MINAR1: variants seen among roughly 807,000 people sequenced by gnomAD.
MINAR1 encodes the protein major intrinsically disordered Notch2-binding receptor 1.
MINAR1 carries 40 observed loss-of-function variants against 65.1 expected under a neutral mutation model. That is an observed-to-expected ratio of 0.61 (90% CI 0.48 to 0.80). The LOEUF is 0.80. MINAR1 is among the 30% of genes least tolerant of loss of function. The pLI is 0.00. For missense variants in MINAR1, 1,128 were observed against 1,148.0 expected (o/e 0.98, Z 0.25); for synonymous variants, 482 against 449.1 (o/e 1.07, Z -0.93).
At chr15:79,460,501 C>A (rs1210747545) in intron 2 of MINAR1, among the ~76,000 whole-genome samples, 2 of 152,194 alleles carry the variant, frequency 1.3e-5, no homozygotes, top group African/African-American at 4.8e-5. Context: ...AGCTACCAGA[C>A]CCTATGGATT....
chr15:79,456,381 A>G lies in MINAR1; in HGVS notation c.234A>G (p.Ser78=). 1 of 1,614,236 alleles carries G rather than the reference A, an allele frequency of 6.2e-7. No individual in the cohort carries two copies. The change falls in exon 2 of 4, where the codon TCA becomes TCG. Residue 78 remains serine (S), a synonymous_variant. Transcript: ENST00000305428. The part of the protein sequence containing the change: ...KMKCTVNNQQ[S]KKIMVAADIV... ...AATGCACTGTGAATAACCAGCAATCAAAGAAAATCATGGTGGCAGCAGATA... is the reference window on the plus strand; with the variant it reads ...AATGCACTGTGAATAACCAGCAATCGAAGAAAATCATGGTGGCAGCAGATA...
intron 2 of MINAR1, among the ~76,000 whole-genome samples, chr15:79,462,601 G>GTATCTT (rs1224544069): frequency 1.3e-5 from 2 of 152,100 alleles, no homozygotes; most frequent in Non-Finnish European, 2.9e-5. Context: ...AGTTCCTTGA[G>GTATCTT]GAAAGGACCC....
At chr15:79,441,680 A>G (rs1298692697) in intron 1 of MINAR1, among the ~76,000 whole-genome samples, 2 of 152,096 alleles carry the variant, frequency 1.3e-5, no homozygotes, top group Non-Finnish European at 2.9e-5. Flanking sequence ...AATACATGGG[A>G]GTGCCTATTT....
chr15:79,427,728 G>T (rs1365043267), upstream of MINAR1, among the ~76,000 whole-genome samples: 6 of 152,198 alleles, frequency 3.9e-5, no homozygotes, highest in Admixed American at 2.6e-4. Flanking sequence ...AGATTTATTT[G>T]TGCATGACAT....
At chr15:79,464,518 T>C (rs1895769530) in intron 3 of MINAR1, among the ~76,000 whole-genome samples, 1 of 152,240 alleles carries the variant, frequency 6.6e-6, no homozygotes, top group African/African-American at 2.4e-5. Flanking sequence ...AAGTCTAAAT[T>C]CATACTGGAC....
At position 79,456,685 on chromosome 15, in the gene MINAR1, G is replaced by A. The variant is rs538077419; in HGVS notation, c.538G>A (p.Gly180Arg). Residue 180 changes from glycine (G) to arginine (R), a missense_variant, in exon 2 of 4, where the codon GGA becomes AGA. Transcript: ENST00000305428. ...TGCCTCTGAGCCTAACTTCCTGTTG[G>A]GAGTTAGCAAAGAGGTGAAAAACCG... ...VPASEPNFLL[G>R]VSKEVKNRAA... 1 of 1,614,164 alleles carries A rather than the reference G, an allele frequency of 6.2e-7. No individual in the cohort carries two copies. Among genetic ancestry groups the A allele is most frequent in the South Asian group, 1.1e-5 (1 of 91,078 alleles).
intron 3 of MINAR1, chr15:79,463,630 T>G (rs1039241067): frequency 1.4e-5 from 8 of 580,710 alleles, no homozygotes; most frequent in Non-Finnish European, 2.3e-5. Flanking sequence ...ATTCTAATAT[T>G]TGCTCACAAG....
chr15:79,459,312 T>C (rs1477267608), intron 2 of MINAR1, among the ~76,000 whole-genome samples: 1 of 152,270 alleles, frequency 6.6e-6, no homozygotes, highest in Non-Finnish European at 1.5e-5. Flanking sequence ...ACGTAAGCTC[T>C]GTGCTTTTGC....
chr15:79,430,107 T>A (rs567666492), upstream of MINAR1, among the ~76,000 whole-genome samples: 2 of 152,240 alleles, frequency 1.3e-5, no homozygotes, highest in African/African-American at 4.8e-5. Flanking sequence ...TGGCTGGAAC[T>A]GAGTAACTGT....
chr15:79,449,638 C>T (rs1227868192), intron 1 of MINAR1, among the ~76,000 whole-genome samples: 3 of 152,198 alleles, frequency 2.0e-5, no homozygotes, highest in African/African-American at 7.2e-5. Flanking sequence ...TTTTTAAAAC[C>T]TATTGAGACC....
chr15:79,456,094 A>G lies in MINAR1; in HGVS notation c.-50-4A>G. The G allele has an allele frequency of 6.4e-7, 1 of 1,568,610 alleles. No homozygotes were observed. The highest frequency in any genetic ancestry group is 8.7e-7 in the Non-Finnish European group (1 of 1,153,346). On this transcript the variant is annotated splice_polypyrimidine_tract_variant and splice_region_variant and intron_variant, in intron 1 of 3. Transcript: ENST00000305428. ...TCCTCTCTTTCTCAATATTGCCACCACAGAACTGACCTGAAGTTTCAGTGT... is the reference window on the plus strand; with the variant it reads ...TCCTCTCTTTCTCAATATTGCCACCGCAGAACTGACCTGAAGTTTCAGTGT...
Position 79,452,741 on chromosome 15 carries a change from T to TGG in MINAR1, c.-50-3350_-50-3349dup, listed in dbSNP as rs398119013. On this transcript the variant is annotated intron_variant, in intron 1 of 3. Transcript: ENST00000305428. ...GTGTGGGTGAGTCTGTGTGGGTGTG[T>TGG]GGGGGGGGTGTGTGGGTGAGTGAAG... 7.2e-3 allele frequency among the ~76,000 whole-genome samples: 645 copies of TGG among 89,824 alleles called. 40 individuals carry two copies. The East Asian group carries it at 0.14, about 20-fold the overall frequency. The allele number at this position is 89,824 out of a possible 152,430, so 58.9% of individuals were successfully genotyped here. A position where few individuals can be genotyped will look rare whatever the true frequency, so the allele number is the denominator to read the frequency against.
At chr15:79,453,646 T>G (rs1416834825) in intron 1 of MINAR1, among the ~76,000 whole-genome samples, 1 of 152,246 alleles carries the variant, frequency 6.6e-6, no homozygotes, top group Non-Finnish European at 1.5e-5. Flanking sequence ...AGTTTCTCTA[T>G]GATAACTGAT....
chr15:79,420,436 CA>C, the MINAR1 span: 1 of 152,090 alleles, frequency 6.6e-6, no homozygotes, highest in South Asian at 2.1e-4. Context: ...AAAATAATTA[CA>C]GGAATTACAA....
chr15:79,456,415 A>G lies in MINAR1; in HGVS notation c.268A>G (p.Ile90Val), dbSNP rs1268684890. ...KIMVAADIVT[I>V]FNLIQMNGGA... ...CATGGTGGCAGCAGATATTGTGACG[A>G]TATTCAACCTGATCCAAATGAATGG... is the stretch of plus-strand genomic sequence containing the variant. The change falls in exon 2 of 4, where the codon ATA becomes GTA. Residue 90 changes from isoleucine to valine, a missense_variant. By Grantham distance (29) the Ile-to-Val change is conservative. Transcript: ENST00000305428. 1 of 1,614,102 alleles carries G rather than the reference A, an allele frequency of 6.2e-7. No individual in the cohort carries two copies. The highest frequency in any genetic ancestry group is 2.2e-5 in the East Asian group (1 of 44,894).
At chr15:79,448,313 TTGC>T (rs1175630567) in intron 1 of MINAR1, among the ~76,000 whole-genome samples, 2 of 152,236 alleles carry the variant, frequency 1.3e-5, no homozygotes, top group Non-Finnish European at 1.5e-5. Flanking sequence ...TCCCAACTCC[TTGC>T]TGCCCTCTTT....
chr15:79,456,608 A>C lies in MINAR1; in HGVS notation c.461A>C (p.Gln154Pro). 1.2e-6 allele frequency: 2 copies of C among 1,614,206 alleles called. No individual in the cohort carries two copies. The highest frequency in any genetic ancestry group is 1.7e-5 in the Admixed American group (1 of 60,030). The change falls in exon 2 of 4, where the codon CAG becomes CCG. Residue 154 changes from glutamine to proline, a missense_variant. Transcript: ENST00000305428. ...TTCAGCCGGGGCTACCCCATCAGGC[A>C]GTCGTCCAAGTGCCGGAAGATGGAC... ...RSFSRGYPIRQSSKCRKMDCK... is the reference protein window; with the variant it reads ...RSFSRGYPIRPSSKCRKMDCK...
In MINAR1 at chr15:79,456,193, G is replaced by GA; in HGVS notation, c.47dup (p.Glu17GlyfsTer59). The GA allele has an allele frequency of 6.2e-7, 1 of 1,613,948 alleles. No homozygotes were observed. On this transcript the variant is annotated frameshift_variant, in exon 2 of 4. Coordinates refer to ENST00000305428, the MANE Select transcript of MINAR1 (RefSeq NM_015206.3). LOFTEE classifies it high-confidence loss of function. The stretch of plus-strand genomic sequence containing the variant: ...TTCCCTCTTCTTGGTGAAGATCTTG[G>GA]AGGAACTGGACAGCAAGCAAAATAC...
At chr15:79,467,767 T>C (rs1398963708) in intron 3 of MINAR1, among the ~76,000 whole-genome samples, 1 of 152,224 alleles carries the variant, frequency 6.6e-6, no homozygotes. Context: ...AGTGCTATGA[T>C]GGTCTTGTTT....
Sources: allele counts gnomAD v4.1 joint callset (sites outside exome capture counted in the v4.1 genomes callset), GRCh38; gene constraint gnomAD v4.1.1; transcripts MANE v1.5; gene names NCBI Gene and HGNC (gene_info 2026-07-23, HGNC 2026-07-21).